Variants in GALNT8 observed in about 807,000 individuals in gnomAD.
The protein encoded by GALNT8 is probable polypeptide N-acetylgalactosaminyltransferase 8.
Under a neutral mutation model 62.7 loss-of-function variants are expected in GALNT8, and 66 were observed. That is an observed-to-expected ratio of 1.05 (90% confidence interval 0.86 to 1.29). GALNT8 has a LOEUF of 1.29. Ranked by LOEUF, GALNT8 falls within the 50% of genes most tolerant of loss-of-function variation. The probability of loss-of-function intolerance (pLI) is 0.00; values close to 1 mark genes in which losing one functional copy is unlikely to be tolerated. For synonymous variants in GALNT8, 288 were observed against 294.3 expected, an observed-to-expected ratio of 0.98 and a Z score of 0.22; for missense variants, 771 against 791.8, an observed-to-expected ratio of 0.97 and a Z score of 0.32.
intron 2 of GALNT8, among the ~76,000 whole-genome samples, chr12:4,734,154 A>G (rs755489539): frequency 1.2e-4 from 19 of 152,140 alleles, no homozygotes; most frequent in Non-Finnish European, 1.9e-4. Flanking sequence ...TCCTCCTACT[A>G]TTACTACCAA....
intron 10 of GALNT8, among the ~76,000 whole-genome samples, chr12:4,769,057 C>G (rs1012508484): frequency 6.6e-6 from 1 of 152,142 alleles, no homozygotes; most frequent in African/African-American, 2.4e-5. Flanking sequence ...GCTAGTCAGA[C>G]ACATGGACTT....
chr12:4,732,386 A>G (rs1235839716), intron 2 of GALNT8, among the ~76,000 whole-genome samples: 2 of 151,614 alleles, frequency 1.3e-5, no homozygotes, highest in Non-Finnish European at 1.5e-5. Context: ...TCATCCAACC[A>G]ACAAACACTT....
chr12:4,733,590 T>C (rs535530971), intron 2 of GALNT8, among the ~76,000 whole-genome samples: 226 of 152,336 alleles, frequency 1.5e-3, no homozygotes, highest in African/African-American at 5.2e-3. Context: ...AATCACCTAT[T>C]CTTACTCACA....
intron 2 of GALNT8, among the ~76,000 whole-genome samples, chr12:4,727,082 G>A (rs1946199803): frequency 1.3e-5 from 2 of 152,170 alleles, no homozygotes; most frequent in South Asian, 4.1e-4. Flanking sequence ...CTCTGATCCA[G>A]AGAAACAGAG....
chr12:4,739,902 C>A (rs372757892), intron 3 of GALNT8, among the ~76,000 whole-genome samples: 1 of 152,078 alleles, frequency 6.6e-6, no homozygotes, highest in Admixed American at 6.5e-5. Context: ...CTCCTGACCT[C>A]GTGATCCGCC....
intron 6 of GALNT8, among the ~76,000 whole-genome samples, chr12:4,755,947 T>C (rs1411284642): frequency 6.6e-6 from 1 of 152,172 alleles, no homozygotes; most frequent in Non-Finnish European, 1.5e-5. Flanking sequence ...GGATAGCAGC[T>C]ACCTAGGACA....
Position 4,764,007 on chromosome 12 carries a change from A to G in GALNT8, c.1553A>G (p.Asn518Ser). 2 of 1,600,820 alleles carry G rather than the reference A, an allele frequency of 1.2e-6. No individual in the cohort carries two copies. Among genetic ancestry groups the G allele is most frequent in the Non-Finnish European group, 1.7e-6 (2 of 1,167,752 alleles). ...TTGGATCAGGGACCCGTTCCAGGCA[A>G]CACCCCCATCATGTATTACTGCCAT... ...VCLDQGPVPG[N>S]TPIMYYCHEF... The change falls in exon 9 of 11, where the codon AAC becomes AGC. Residue 518 changes from asparagine (N) to serine (S), a missense_variant. Transcript: ENST00000252318.
intron 6 of GALNT8, among the ~76,000 whole-genome samples, chr12:4,754,083 A>T (rs1005214576): frequency 6.6e-6 from 1 of 152,120 alleles, no homozygotes; most frequent in Admixed American, 6.6e-5. Context: ...CTGGGGGTGG[A>T]GTGACACAAG....
chr12:4,765,377 A>G lies in GALNT8; in HGVS notation c.1594-2A>G. The G allele has an allele frequency of 1.1e-6, 1 of 874,680 alleles. No homozygotes were observed. 54.2% of individuals were successfully genotyped at this position (874,680 alleles called of 1,614,324 possible). On this transcript the variant is annotated splice_acceptor_variant, in intron 9 of 10. Coordinates refer to ENST00000252318, the MANE Select transcript of GALNT8 (RefSeq NM_017417.2). LOFTEE classifies it high-confidence loss of function. ...CTTTTTTTTTTTTTTTTTTTTTTTT[A>G]GAATGTCTACTATCACCTAACTGGG...
At chr12:4,750,371 C>T (rs930655347) in intron 6 of GALNT8, among the ~76,000 whole-genome samples, 3 of 151,750 alleles carry the variant, frequency 2.0e-5, no homozygotes, top group Admixed American at 1.3e-4. Flanking sequence ...AAGGCCTCAG[C>T]GTGAGTTGTT....
intron 2 of GALNT8, among the ~76,000 whole-genome samples, chr12:4,737,985 A>C (rs1478606876): frequency 6.6e-6 from 1 of 152,192 alleles, no homozygotes; most frequent in East Asian, 1.9e-4. Flanking sequence ...AGCTGCACAA[A>C]ATGGACTGAC....
chr12:4,769,863 C>G (rs1946415195), intron 10 of GALNT8, among the ~76,000 whole-genome samples: 1 of 152,038 alleles, frequency 6.6e-6, no homozygotes, highest in South Asian at 2.1e-4. Flanking sequence ...GCCCTGAGCC[C>G]TGACCATTTA....
intron 10 of GALNT8, among the ~76,000 whole-genome samples, chr12:4,766,931 C>T (rs1946402666): frequency 6.6e-6 from 1 of 151,500 alleles, no homozygotes; most frequent in Non-Finnish European, 1.5e-5. Context: ...AGGTTTTTTG[C>T]ATCCTAGATT....
chr12:4,734,914 A>T (rs898385926), intron 2 of GALNT8, among the ~76,000 whole-genome samples: 1 of 152,194 alleles, frequency 6.6e-6, no homozygotes, highest in Non-Finnish European at 1.5e-5. Context: ...TGCAATTCAA[A>T]TGCCTGCCAA....
intron 3 of GALNT8, among the ~76,000 whole-genome samples, chr12:4,739,788 C>A (rs375474877): frequency 1.8e-4 from 27 of 152,040 alleles, no homozygotes; most frequent in African/African-American, 5.1e-4. Flanking sequence ...CCTCAGCCTC[C>A]CGAGTAGCTG....
chr12:4,762,917 C>CA (rs1489455679), intron 7 of GALNT8, among the ~76,000 whole-genome samples: 100 of 151,762 alleles, frequency 6.6e-4, no homozygotes, highest in Middle Eastern at 3.4e-3. Context: ...ATTTATAGAC[C>CA]AAAAAAAAGG....
Position 4,750,425 on chromosome 12 carries a change from A to G in GALNT8, c.1173+4167A>G, listed in dbSNP as rs372264560. On this transcript the variant is annotated intron_variant, in intron 6 of 10. Coordinates refer to ENST00000252318, the MANE Select transcript of GALNT8 (RefSeq NM_017417.2). ...TGTTCTCATCATTTAACTTCCACTT[A>G]AAAGTGAGAACATGTGGTATTTGGT... Among the ~76,000 whole-genome samples, 11 of 151,806 alleles carry G rather than the reference A, an allele frequency of 7.2e-5. 1 individual carries two copies. The highest frequency in any genetic ancestry group is 2.7e-4 in the African/African-American group (11 of 41,340).
intron 10 of GALNT8, among the ~76,000 whole-genome samples, chr12:4,766,983 G>A (rs866853066): frequency 6.6e-6 from 1 of 151,218 alleles, no homozygotes; most frequent in Non-Finnish European, 1.5e-5. Context: ...AAGGAGGAGG[G>A]TAATGTCTTC....
At position 4,739,656 on chromosome 12, in the gene GALNT8, T is replaced by G. The variant is rs148639673; in HGVS notation, c.676+327T>G. ...ATCTACCTGTACCTCTTTTTTTTTT[T>G]TTCTTTTTCTTTTTCTTTTTTTTTT... On this transcript the variant is annotated intron_variant, in intron 3 of 10. Transcript: ENST00000252318. Among the ~76,000 whole-genome samples the G allele has an allele frequency of 6.8e-3, 1,029 of 151,636 alleles. 15 individuals are homozygous for G. The highest frequency in any genetic ancestry group is 0.024 in the African/African-American group (984 of 41,326).
Sources: gnomAD v4.1 joint callset for allele counts (sites outside exome capture counted in the v4.1 genomes callset) on GRCh38, gnomAD v4.1.1 for gene constraint, MANE v1.5 for transcripts, NCBI Gene and HGNC (gene_info 2026-07-23, HGNC 2026-07-21) for gene names.